Variants in EYA2 observed in about 807,000 individuals in gnomAD.
The protein encoded by EYA2 is protein phosphatase EYA2.
A neutral mutation model predicts 69.2 loss-of-function variants in EYA2; 31 were observed. That is an observed-to-expected ratio of 0.45 (90% CI 0.34 to 0.60). The LOEUF (loss-of-function observed/expected upper bound fraction) is 0.60. EYA2 is among the 20% of genes least tolerant of loss of function. EYA2 has a pLI of 0.02. For missense variants in EYA2, 622 were observed against 701.2 expected, an observed-to-expected ratio of 0.89 and a Z score of 1.28; for synonymous variants, 257 against 279.4, an observed-to-expected ratio of 0.92 and a Z score of 0.80.
At chr20:47,026,301 A>G (rs1204924834) in intron 5 of EYA2, among the ~76,000 whole-genome samples, 1 of 152,228 alleles carries the variant, frequency 6.6e-6, no homozygotes, top group Non-Finnish European at 1.5e-5. Flanking sequence ...AAATGTTAAA[A>G]ATAAAACCAT....
At chr20:46,933,282 C>G (rs1043631611) in intron 1 of EYA2, among the ~76,000 whole-genome samples, 2 of 152,180 alleles carry the variant, frequency 1.3e-5, no homozygotes, top group Non-Finnish European at 2.9e-5. Flanking sequence ...GAGCTCAGGG[C>G]AGGTCAGGCA....
At chr20:46,968,717 G>A (rs999804194) in intron 1 of EYA2, among the ~76,000 whole-genome samples, 1 of 152,028 alleles carries the variant, frequency 6.6e-6, no homozygotes, top group Non-Finnish European at 1.5e-5. Context: ...CCTCCCCATT[G>A]GTGATAACCA....
At chr20:47,158,463 G>A (rs928882423) in intron 10 of EYA2, among the ~76,000 whole-genome samples, 11 of 151,452 alleles carry the variant, frequency 7.3e-5, no homozygotes, top group African/African-American at 2.4e-4. Context: ...GTTGCAGTGA[G>A]CCGAGATCAC....
chr20:47,132,284 G>A (rs940138813), intron 9 of EYA2, among the ~76,000 whole-genome samples: 1 of 152,140 alleles, frequency 6.6e-6, no homozygotes, highest in Non-Finnish European at 1.5e-5. Flanking sequence ...CCAAATTAAA[G>A]GAAAATATTA....
intron 9 of EYA2, among the ~76,000 whole-genome samples, chr20:47,121,339 C>T (rs1049926030): frequency 6.6e-6 from 1 of 152,188 alleles, no homozygotes; most frequent in African/African-American, 2.4e-5. Context: ...GTGATCCACC[C>T]ACCTTGGCCT....
At chr20:46,938,297 AG>A (rs1986008459) in intron 1 of EYA2, among the ~76,000 whole-genome samples, 1 of 152,162 alleles carries the variant, frequency 6.6e-6, no homozygotes, top group Admixed American at 6.6e-5. Flanking sequence ...TGAAACCATG[AG>A]AGTTACTTGC....
At chr20:46,909,203 G>T (rs1984526161) in intron 1 of EYA2, among the ~76,000 whole-genome samples, 1 of 152,140 alleles carries the variant, frequency 6.6e-6, no homozygotes, top group Admixed American at 6.5e-5. Flanking sequence ...ATGGTTGTCA[G>T]CCACTGTTTA....
At chr20:47,046,009 A>G (rs1262486816) in intron 5 of EYA2, among the ~76,000 whole-genome samples, 1 of 152,206 alleles carries the variant, frequency 6.6e-6, no homozygotes, top group Non-Finnish European at 1.5e-5. Context: ...CAAACAGAAT[A>G]TCATAGACTG....
intron 8 of EYA2, among the ~76,000 whole-genome samples, chr20:47,094,605 G>C (rs1420980239): frequency 1.3e-5 from 2 of 152,162 alleles, no homozygotes; most frequent in Non-Finnish European, 2.9e-5. Context: ...TTTAAAAGGT[G>C]GCCCACTCAA....
intron 7 of EYA2, among the ~76,000 whole-genome samples, chr20:47,079,381 A>G (rs2031636040): frequency 6.6e-6 from 1 of 152,188 alleles, no homozygotes; most frequent in African/African-American, 2.4e-5. Context: ...CCAGAGGAGA[A>G]TCACTTCCTT....
chr20:46,990,821 T>A (rs1981610145), intron 2 of EYA2, among the ~76,000 whole-genome samples: 2 of 152,206 alleles, frequency 1.3e-5, no homozygotes, highest in Admixed American at 6.5e-5. Flanking sequence ...TTGTTTTTCC[T>A]TCATTATCTG....
intron 9 of EYA2, among the ~76,000 whole-genome samples, chr20:47,118,348 C>T (rs928933624): frequency 1.3e-5 from 2 of 151,758 alleles, no homozygotes; most frequent in Non-Finnish European, 2.9e-5. Flanking sequence ...CTTTGCAGCA[C>T]GGCTGGGAGA....
At chr20:47,118,105 A>G (rs553246043) in intron 9 of EYA2, among the ~76,000 whole-genome samples, 4 of 152,370 alleles carry the variant, frequency 2.6e-5, no homozygotes, top group African/African-American at 9.6e-5. Context: ...GATTCTCAAA[A>G]TAAATACTGC....
chr20:46,974,877 G>A (rs530902422), intron 1 of EYA2, among the ~76,000 whole-genome samples: 21 of 152,300 alleles, frequency 1.4e-4, no homozygotes, highest in African/African-American at 4.3e-4. Flanking sequence ...GTCACTGCAC[G>A]TTGGGTGCCT....
chr20:46,939,678 G>A (rs1986073532), intron 1 of EYA2, among the ~76,000 whole-genome samples: 1 of 152,136 alleles, frequency 6.6e-6, no homozygotes, highest in East Asian at 1.9e-4. Context: ...TGTGCTATGA[G>A]GAAGCAGGAC....
intron 5 of EYA2, among the ~76,000 whole-genome samples, chr20:47,058,787 C>G (rs2030751589): frequency 6.6e-6 from 1 of 152,150 alleles, no homozygotes; most frequent in Non-Finnish European, 1.5e-5. Context: ...CTGTGGTGAG[C>G]TATGATCGTG....
intron 1 of EYA2, among the ~76,000 whole-genome samples, chr20:46,987,916 G>GACTCACTCTCTCTCTCTCTCTCTC (rs56288405): frequency 4.9e-5 from 1 of 20,350 alleles, no homozygotes; most frequent in African/African-American, 1.7e-4. Flanking sequence ...GACAGAGTAA[G>GACTCACTCTCTCTCTCTCTCTCTC]TCTCTCTCTC....
At chr20:46,907,064 C>CATGAAA (rs1430363113) in intron 1 of EYA2, among the ~76,000 whole-genome samples, 3 of 152,170 alleles carry the variant, frequency 2.0e-5, no homozygotes, top group African/African-American at 7.2e-5. Flanking sequence ...TCAGTTTCCC[C>CATGAAA]ATTGATGACA....
At chr20:46,944,199 GT>G (rs772931022) in intron 1 of EYA2, among the ~76,000 whole-genome samples, 3 of 152,182 alleles carry the variant, frequency 2.0e-5, no homozygotes, top group African/African-American at 7.2e-5. Context: ...TCATGGTCCT[GT>G]TTTGGCCAAG....
Sources: allele counts gnomAD v4.1 joint callset (sites outside exome capture counted in the v4.1 genomes callset), GRCh38; gene constraint gnomAD v4.1.1; transcripts MANE v1.5; gene names NCBI Gene and HGNC (gene_info 2026-07-23, HGNC 2026-07-21).